Variants in TBC1D8B observed in about 807,000 individuals in gnomAD.
The protein encoded by TBC1D8B is RP11-321G1.1.
TBC1D8B carries 75 observed loss-of-function variants against 82.9 expected under a neutral mutation model. The observed-to-expected ratio is 0.90, with a 90% CI of 0.75 to 1.10. TBC1D8B has a LOEUF of 1.10. Ranked by LOEUF, TBC1D8B falls within the 50% of genes least tolerant of loss-of-function variation. The probability of loss-of-function intolerance (pLI) is 0.00; values close to 1 mark genes in which losing one functional copy is unlikely to be tolerated. For missense variants in TBC1D8B, 794 were observed against 796.9 expected (o/e 1.00, Z 0.04); for synonymous variants, 276 against 276.8 (o/e 1.00, Z 0.03).
intron 14 of TBC1D8B, among the ~76,000 whole-genome samples, chrX:106,859,212 A>G (rs1438965022): frequency 9.0e-6 from 1 of 111,724 alleles, no homozygotes; most frequent in Non-Finnish European, 1.9e-5. Context: ...TTCCATATGA[A>G]TTTTCTAGAA....
intron 20 of TBC1D8B, among the ~76,000 whole-genome samples, chrX:106,872,455 T>TTATATATATATATATATATATATATA (rs61326496): frequency 4.0e-4 from 29 of 73,290 alleles, no homozygotes; most frequent in African/African-American, 1.7e-3. Context: ...AGAAAAATAT[T>TTATATATATATATATATATATATATA]TATATATATA....
intron 7 of TBC1D8B, among the ~76,000 whole-genome samples, chrX:106,838,721 A>G (rs188004363): frequency 8.0e-5 from 9 of 112,035 alleles, no homozygotes; most frequent in Non-Finnish European, 1.5e-4. Flanking sequence ...ACCAATTGCT[A>G]TTGTTTTCTA....
chrX:106,827,544 A>G lies in TBC1D8B; in HGVS notation c.1203+207A>G, dbSNP rs182509652. ...TTTATTCATTTTTAGGAACCCATAC[A>G]TTATAAAATTACTATAATTTGATCT... On this transcript the variant is annotated intron_variant, in intron 7 of 20. Coordinates refer to ENST00000357242, the MANE Select transcript of TBC1D8B (RefSeq NM_017752.3). 2,184 of 358,115 alleles carry G rather than the reference A, an allele frequency of 6.1e-3. 12 individuals are homozygous for G. The highest frequency in any genetic ancestry group is 8.2e-3 in the Non-Finnish European group (1,729 of 209,628). The allele number at this position is 358,115 out of a possible 1,213,427, so 29.5% of individuals were successfully genotyped here. A position where few individuals can be genotyped will look rare whatever the true frequency, so the allele number is the denominator to read the frequency against.
intron 6 of TBC1D8B, 148 bp downstream of exon 6, chrX:106,826,385 T>A: frequency 2.0e-6 from 1 of 498,244 alleles, no homozygotes; most frequent in Non-Finnish European, 3.2e-6. Context: ...AGAATAAGAG[T>A]ACAGCCTTCT....
intron 7 of TBC1D8B, chrX:106,828,240 G>A (rs1931912785): frequency 1.8e-5 from 2 of 113,346 alleles, no homozygotes; most frequent in African/African-American, 6.4e-5. Context: ...GACTAAACCA[G>A]GAAGAAGTTG....
intron 1 of TBC1D8B, among the ~76,000 whole-genome samples, chrX:106,804,289 T>A (rs1931122122): frequency 1.8e-5 from 2 of 111,138 alleles, no homozygotes; most frequent in Admixed American, 1.9e-4. Flanking sequence ...ATGCTGTTAT[T>A]TCGTTTTCAA....
At chrX:106,840,965 G>T in intron 10 of TBC1D8B, 81 bp downstream of exon 10, 7 of 896,570 alleles carry the variant, frequency 7.8e-6, no homozygotes. Flanking sequence ...TTTGGAAGTG[G>T]CGATTATAAG....
chrX:106,808,344 C>T (rs1197509035), intron 1 of TBC1D8B, among the ~76,000 whole-genome samples: 1 of 111,613 alleles, frequency 9.0e-6, no homozygotes, highest in African/African-American at 3.3e-5. Flanking sequence ...TATACAAATA[C>T]TTGACATTTA....
chrX:106,819,587 T>A (rs111269635), intron 2 of TBC1D8B, among the ~76,000 whole-genome samples: 1,165 of 111,059 alleles, frequency 0.01, 20 homozygotes, highest in African/African-American at 0.037. Context: ...CATTCATATG[T>A]GTGAACATAT....
intron 1 of TBC1D8B, chrX:106,815,312 C>A (rs188275065): frequency 9.0e-6 from 1 of 111,356 alleles, no homozygotes; most frequent in African/African-American, 3.3e-5. Context: ...GAATCCTTTC[C>A]CCATTGCTTG....
At chrX:106,807,985 G>A (rs1931247854) in intron 1 of TBC1D8B, among the ~76,000 whole-genome samples, 1 of 110,098 alleles carries the variant, frequency 9.1e-6, no homozygotes, top group African/African-American at 3.3e-5. Flanking sequence ...CCCAGGAAGT[G>A]GAGGCTGCAG....
rs987819800 is a variant in TBC1D8B at position 106,857,712 on chromosome X, A to T, written c.2352+3416A>T. ...TAGTTCACTTAGGATAACGGTCTCC[A>T]GCTCCATCCATGTTGCTCCAAAGAA... is the stretch of plus-strand genomic sequence containing the variant. On this transcript the variant is annotated intron_variant, in intron 14 of 20. Coordinates refer to ENST00000357242, the MANE Select transcript of TBC1D8B (RefSeq NM_017752.3). Among the ~76,000 whole-genome samples the T allele has an allele frequency of 4.5e-5, 5 of 112,098 alleles. No individual in the cohort carries two copies. In the Admixed American group the frequency reaches 4.7e-4, roughly 11 times the overall value.
At chrX:106,805,241 A>G (rs923405445) in intron 1 of TBC1D8B, among the ~76,000 whole-genome samples, 50 of 107,593 alleles carry the variant, frequency 4.6e-4, no homozygotes, top group East Asian at 1.5e-3. Context: ...GGTACAAGCC[A>G]CTAAGCCTGG....
rs1932808316 is a variant in TBC1D8B, at chrX:106,865,550, T to C, written c.2353-9T>C. 2.5e-6 allele frequency: 3 copies of C among 1,184,268 alleles called. No homozygotes were observed. The highest frequency in any genetic ancestry group is 2.3e-6 in the Non-Finnish European group (2 of 882,443). On this transcript the variant is annotated splice_polypyrimidine_tract_variant and intron_variant, in intron 14 of 20. Transcript: ENST00000357242. The stretch of plus-strand genomic sequence containing the variant: ...TCTGTGTACTAAATTGCTTTTAATC[T>C]TTTTAAAGTTGCGTGTTGTATCACA...
At chrX:106,848,638 G>A (rs1026346118) in intron 11 of TBC1D8B, among the ~76,000 whole-genome samples, 1 of 111,132 alleles carries the variant, frequency 9.0e-6, no homozygotes, top group Non-Finnish European at 1.9e-5. Context: ...CACAGCTACT[G>A]GTGAATTTTT....
Position 106,870,279 on chromosome X carries a change from C to T in TBC1D8B, c.2870-437C>T, listed in dbSNP as rs1046079920. Among the ~76,000 whole-genome samples, 13 of 112,334 alleles carry T rather than the reference C, an allele frequency of 1.2e-4. No individual in the cohort carries two copies. In the Admixed American group the frequency reaches 1.2e-3, roughly 11 times the overall value. ...CTCCTGGCCTCAGGTGATCTGCCCA[C>T]CTCGGCCTCCCAAAGCCCTGGGATT... is the stretch of plus-strand genomic sequence containing the variant. On this transcript the variant is annotated intron_variant, in intron 19 of 20. Coordinates refer to ENST00000357242, the MANE Select transcript of TBC1D8B (RefSeq NM_017752.3).
chrX:106,828,897 C>G (rs865866520), intron 7 of TBC1D8B: 1 of 107,518 alleles, frequency 9.3e-6, no homozygotes, highest in Non-Finnish European at 1.9e-5. Flanking sequence ...CAGGGATGCC[C>G]TCTCTCACCA....
Position 106,854,254 on chromosome X carries a change from G to A in TBC1D8B, c.2310G>A (p.Leu770=). The change falls in exon 14 of 21, where the codon TTG becomes TTA. Residue 770 remains leucine, a synonymous_variant. Transcript: ENST00000357242. The stretch of plus-strand genomic sequence containing the variant: ...ATAGTATGCGCTGTCGAAATAGGTT[G>A]TATGTGATACAGACCCTAGAGGAAA... ...DIHSMRCRNR[L]YVIQTLEETT... is the part of the protein sequence containing the mutation. 8.4e-7 allele frequency: 1 copy of A among 1,197,337 alleles called. No homozygotes were observed. The highest frequency in any genetic ancestry group is 1.1e-6 in the Non-Finnish European group (1 of 889,469).
Position 106,859,871 on chromosome X carries a change from A to G in TBC1D8B, c.2352+5575A>G, listed in dbSNP as rs774977676. Among the ~76,000 whole-genome samples the G allele has an allele frequency of 9.3e-4, 104 of 112,033 alleles. 1 individual carries two copies. Among genetic ancestry groups the G allele is most frequent in the African/African-American group, 2.9e-4 (9 of 30,874 alleles). ...TATTATTTTGAGATACAGTTCTTCA[A>G]TGCCTAGTTTGTTGAGGCTTTTTAA... is the stretch of plus-strand genomic sequence containing the variant. On this transcript the variant is annotated intron_variant, in intron 14 of 20. Transcript: ENST00000357242.
Sources: allele counts gnomAD v4.1 joint callset (sites outside exome capture counted in the v4.1 genomes callset), GRCh38; gene constraint gnomAD v4.1.1; transcripts MANE v1.5; gene names NCBI Gene and HGNC (gene_info 2026-07-23, HGNC 2026-07-21).